PHF24: variants seen among roughly 807,000 people sequenced by gnomAD.
The protein encoded by PHF24 is PHD finger protein 24.
Under a neutral mutation model 42.6 loss-of-function variants are expected in PHF24, and 25 were observed. The observed-to-expected ratio is 0.59, with a 90% CI of 0.43 to 0.82. PHF24 has a LOEUF of 0.82. Ranked by LOEUF, PHF24 falls within the 40% of genes least tolerant of loss-of-function variation. PHF24 has a pLI of 0.00. For synonymous variants in PHF24, 185 were observed against 204.8 expected, an observed-to-expected ratio of 0.90 and a Z score of 0.83; for missense variants, 470 against 538.1, an observed-to-expected ratio of 0.87 and a Z score of 1.25.
chr9:34,680,570 C>G, the PHF24 span, among the ~76,000 whole-genome samples: 1 of 147,722 alleles, frequency 6.8e-6, no homozygotes, highest in Non-Finnish European at 1.5e-5. Context: ...CGCCTGTAGT[C>G]CCGGCTACTT....
At chr9:34,723,748 C>A in the PHF24 span, 1 of 1,551,716 alleles carries the variant, frequency 6.4e-7, no homozygotes, top group Non-Finnish European at 8.7e-7. Context: ...CCTGTGAAGC[C>A]TGGGGCAACA....
At chr9:34,685,633 C>A in the PHF24 span, among the ~76,000 whole-genome samples, 1 of 152,206 alleles carries the variant, frequency 6.6e-6, no homozygotes, top group Non-Finnish European at 1.5e-5. Context: ...TGCCACTCAC[C>A]AGTTGAGTTG....
intron 1 of PHF24, among the ~76,000 whole-genome samples, chr9:34,961,485 A>G (rs1369857180): frequency 1.3e-5 from 2 of 152,244 alleles, no homozygotes; most frequent in Non-Finnish European, 2.9e-5. Context: ...CTTACTTGCC[A>G]GGCACTATGC....
At chr9:34,912,553 G>A in the PHF24 span, among the ~76,000 whole-genome samples, 147 of 152,200 alleles carry the variant, frequency 9.7e-4, no homozygotes, top group African/African-American at 3.4e-3. Flanking sequence ...TTTGAGAGCC[G>A]AACTGCCATA....
the PHF24 span, among the ~76,000 whole-genome samples, chr9:34,802,160 C>T: frequency 6.6e-6 from 1 of 152,076 alleles, no homozygotes; most frequent in South Asian, 2.1e-4. Context: ...TCCTTTTAAT[C>T]TGCCCATCAA....
At chr9:34,826,574 C>T in the PHF24 span, among the ~76,000 whole-genome samples, 2 of 152,250 alleles carry the variant, frequency 1.3e-5, no homozygotes, top group Admixed American at 6.5e-5. Flanking sequence ...GTGAAGCAGT[C>T]ACAGTCCCTG....
the PHF24 span, among the ~76,000 whole-genome samples, chr9:34,774,739 C>T: frequency 2.0e-5 from 3 of 152,120 alleles, no homozygotes; most frequent in African/African-American, 7.2e-5. Flanking sequence ...TGCCACTGCA[C>T]TCCAGCCTAG....
the PHF24 span, chr9:34,709,556 C>T: frequency 6.2e-7 from 1 of 1,614,218 alleles, no homozygotes. Flanking sequence ...CCCCCCTGTC[C>T]TTCCTGCAGC....
At chr9:34,793,245 C>T in the PHF24 span, among the ~76,000 whole-genome samples, 1 of 152,128 alleles carries the variant, frequency 6.6e-6, no homozygotes, top group Non-Finnish European at 1.5e-5. Context: ...GCAACCCCTA[C>T]ACTCTTCCAA....
chr9:34,746,071 C>T, the PHF24 span, among the ~76,000 whole-genome samples: 3 of 151,818 alleles, frequency 2.0e-5, no homozygotes, highest in Admixed American at 6.6e-5. Flanking sequence ...GCTAACAGGC[C>T]GAAAAACTGA....
chr9:34,711,275 C>T, the PHF24 span, among the ~76,000 whole-genome samples: 13 of 149,188 alleles, frequency 8.7e-5, no homozygotes, highest in African/African-American at 3.2e-4. Flanking sequence ...GACACAGGGT[C>T]TCGCTTTGTC....
the PHF24 span, among the ~76,000 whole-genome samples, chr9:34,902,106 G>A: frequency 3.9e-5 from 6 of 152,042 alleles, no homozygotes; most frequent in Admixed American, 6.6e-5. Context: ...AGAGTCATGC[G>A]TAAATAAATA....
chr9:34,751,421 A>C, the PHF24 span, among the ~76,000 whole-genome samples: 4 of 152,216 alleles, frequency 2.6e-5, no homozygotes, highest in African/African-American at 9.7e-5. Context: ...CAGACAAAAT[A>C]GATTTGAAGA....
chr9:34,746,699 G>A, the PHF24 span, among the ~76,000 whole-genome samples: 1 of 152,174 alleles, frequency 6.6e-6, no homozygotes, highest in East Asian at 1.9e-4. Flanking sequence ...TCCTTTCCTT[G>A]CTCAATAAAG....
chr9:34,875,206 A>G, the PHF24 span, among the ~76,000 whole-genome samples: 2 of 152,208 alleles, frequency 1.3e-5, no homozygotes, highest in Non-Finnish European at 2.9e-5. Flanking sequence ...AGAATATACT[A>G]TCACACACTC....
chr9:34,922,119 G>C, the PHF24 span: 1 of 1,323,332 alleles, frequency 7.6e-7, no homozygotes, highest in South Asian at 1.2e-5. Context: ...TTGTGGGACA[G>C]CATGGATGAC....
chr9:34,690,424 CTGTGTGTGTG>C, the PHF24 span: 7,483 of 607,140 alleles, frequency 0.012, 1 homozygote, highest in Middle Eastern at 0.018. Flanking sequence ...TTGAGGACAC[CTGTGTGTGTG>C]TGTGTGTGTG....
chr9:34,968,423 C>T (rs1318368789), intron 1 of PHF24, among the ~76,000 whole-genome samples: 1 of 152,250 alleles, frequency 6.6e-6, no homozygotes, highest in East Asian at 1.9e-4. Context: ...AATAAATCTC[C>T]TGTGCCACTG....
chr9:34,689,885 A>G, the PHF24 span: 1 of 1,614,002 alleles, frequency 6.2e-7, no homozygotes, highest in African/African-American at 1.3e-5. This position sits in a 1 kb window ranked among gnomAD's most constrained non-coding sequence, Gnocchi z 4.1. Context: ...AATCTTAGAC[A>G]GGAGCTCAGA....
Sources: gnomAD v4.1 joint callset for allele counts (sites outside exome capture counted in the v4.1 genomes callset) on GRCh38, gnomAD v4.1.1 for gene constraint, Gnocchi (gnomAD v3.1) non-coding constraint, MANE v1.5 for transcripts, NCBI Gene and HGNC (gene_info 2026-07-23, HGNC 2026-07-21) for gene names.